MGST1: variants seen among roughly 807,000 people sequenced by gnomAD.
MGST1 encodes the protein glutathione S-transferase 12.
MGST1 carries 5 observed loss-of-function variants against 8.9 expected under a neutral mutation model. The ratio of observed to expected loss-of-function variants is 0.56; its 90% confidence interval spans 0.29 to 1.19. MGST1 has a LOEUF of 1.19. Among genes scored for constraint, MGST1 ranks in the 50% most tolerant of loss-of-function variants. The pLI is 0.08. For synonymous variants in MGST1, 54 were observed against 67.8 expected (o/e 0.80, Z 1.00); for missense variants, 182 against 187.4 (o/e 0.97, Z 0.17).
intron 4 of MGST1, among the ~76,000 whole-genome samples, chr12:16,447,976 GT>G (rs1452467658): frequency 6.6e-6 from 1 of 151,898 alleles, no homozygotes; most frequent in African/African-American, 2.4e-5. Context: ...TGGACATCTT[GT>G]ATGTTCTGAT....
intron 4 of MGST1, among the ~76,000 whole-genome samples, chr12:16,526,373 T>C (rs1941687039): frequency 1.3e-5 from 2 of 151,968 alleles, no homozygotes; most frequent in African/African-American, 4.8e-5. Context: ...CCTGACCCCA[T>C]TGGAATGTTC....
At chr12:16,408,742 C>A (rs1005406397) in intron 1 of MGST1, among the ~76,000 whole-genome samples, 1 of 152,092 alleles carries the variant, frequency 6.6e-6, no homozygotes, top group Non-Finnish European at 1.5e-5. Flanking sequence ...ACTTCTAGAT[C>A]TCTGATTTAA....
chr12:16,360,836 A>G (rs1210279423), intron 3 of MGST1, among the ~76,000 whole-genome samples: 1 of 152,176 alleles, frequency 6.6e-6, no homozygotes, highest in Admixed American at 6.5e-5. Flanking sequence ...TAGGGGTTGA[A>G]CTGGATGATG....
chr12:16,436,604 A>G (rs1278808681), intron 1 of MGST1, among the ~76,000 whole-genome samples: 2 of 152,052 alleles, frequency 1.3e-5, no homozygotes, highest in African/African-American at 4.8e-5. Flanking sequence ...ATGTGAATAA[A>G]TAAAAGATAA....
intron 2 of MGST1, among the ~76,000 whole-genome samples, chr12:16,356,735 G>C (rs1939730745): frequency 6.6e-6 from 1 of 152,104 alleles, no homozygotes; most frequent in Non-Finnish European, 1.5e-5. Flanking sequence ...ATGCAATTCA[G>C]CTTCTCAAAT....
intron 4 of MGST1, among the ~76,000 whole-genome samples, chr12:16,588,990 A>G (rs551893691): frequency 2.8e-4 from 43 of 152,012 alleles, no homozygotes; most frequent in Non-Finnish European, 5.7e-4. Flanking sequence ...TAGGATTCCT[A>G]TTTCTAGAGA....
At chr12:16,578,822 AAC>A (rs1565497686) in intron 4 of MGST1, among the ~76,000 whole-genome samples, 5,875 of 79,928 alleles carry the variant, frequency 0.074, 394 homozygotes, top group African/African-American at 0.22. Flanking sequence ...TGTCTCAAAC[AAC>A]AACAACAACA....
intron 4 of MGST1, among the ~76,000 whole-genome samples, chr12:16,445,706 C>T (rs529815964): frequency 6.6e-6 from 1 of 151,954 alleles, no homozygotes; most frequent in Non-Finnish European, 1.5e-5. Flanking sequence ...AGAGCTGTTA[C>T]AGTCACGTGG....
chr12:16,445,641 C>T (rs536213639), intron 4 of MGST1, among the ~76,000 whole-genome samples: 10 of 152,034 alleles, frequency 6.6e-5, no homozygotes, highest in East Asian at 3.9e-4. Context: ...AGAATTCATT[C>T]GCTATATCAA....
At chr12:16,564,265 A>G (rs554130999) in intron 4 of MGST1, among the ~76,000 whole-genome samples, 41 of 152,176 alleles carry the variant, frequency 2.7e-4, no homozygotes, top group Non-Finnish European at 5.7e-4. Context: ...GTGAGCATGC[A>G]CAGAGAAATA....
intron 1 of MGST1, among the ~76,000 whole-genome samples, chr12:16,415,324 C>A (rs1183587674): frequency 6.6e-6 from 1 of 152,284 alleles, no homozygotes; most frequent in East Asian, 1.9e-4. Flanking sequence ...TTACACAGAT[C>A]TGAGAACCTC....
chr12:16,393,255 T>C, intron 1 of MGST1, among the ~76,000 whole-genome samples: 1 of 152,204 alleles, frequency 6.6e-6, no homozygotes, highest in East Asian at 1.9e-4. Context: ...ATGGTGACAG[T>C]GGTAGGAGAG....
chr12:16,406,206 C>G (rs1303352814), intron 1 of MGST1, among the ~76,000 whole-genome samples: 1 of 152,090 alleles, frequency 6.6e-6, no homozygotes, highest in East Asian at 1.9e-4. Flanking sequence ...AATACAAAAC[C>G]TCAGCAAAAT....
chr12:16,533,750 A>G (rs1012986880), intron 4 of MGST1, among the ~76,000 whole-genome samples: 16 of 151,916 alleles, frequency 1.1e-4, no homozygotes, highest in Admixed American at 8.5e-4. Context: ...TTTGTGATCA[A>G]TTACTCACAG....
At chr12:16,551,189 G>A (rs1941977231) in intron 4 of MGST1, 5 of 1,299,116 alleles carry the variant, frequency 3.8e-6, no homozygotes, top group Non-Finnish European at 5.6e-6. Flanking sequence ...AGAATGTAGT[G>A]CTTTGTATTC....
At chr12:16,493,092 T>G (rs1289867296) in intron 4 of MGST1, among the ~76,000 whole-genome samples, 1 of 152,186 alleles carries the variant, frequency 6.6e-6, no homozygotes, top group East Asian at 1.9e-4. Flanking sequence ...AGGGCAAGAT[T>G]GTCTTTGAGA....
chr12:16,402,184 T>C (rs1436865143), intron 1 of MGST1: 1 of 1,578,486 alleles, frequency 6.3e-7, no homozygotes, highest in Non-Finnish European at 8.7e-7. Context: ...TCCACTTTTT[T>C]TTTGCTGGCC....
At chr12:16,455,142 T>A (rs1941163006) in intron 4 of MGST1, among the ~76,000 whole-genome samples, 1 of 151,936 alleles carries the variant, frequency 6.6e-6, no homozygotes, top group Non-Finnish European at 1.5e-5. Flanking sequence ...AATGATAGGA[T>A]GTAAGTCTAT....
rs1423894119 is a variant in MGST1, at chr12:16,513,642, TGCA to T, written n.483-75883_483-75881del. 4.8e-5 allele frequency: 24 copies of T among 498,062 alleles called. No homozygotes were observed. The Admixed American group carries it at 5.5e-4, about 11-fold the overall frequency. 30.9% of individuals were successfully genotyped at this position (498,062 alleles called of 1,614,324 possible). A position where few individuals can be genotyped will look rare whatever the true frequency, so the allele number is the denominator to read the frequency against. ...GCATCCACAAGGCAGAGGCCCAGAT[TGCA>T]GCCAAAAATTTGGACGAGGACTACC... is the stretch of plus-strand genomic sequence containing the variant. On this transcript the variant is annotated intron_variant and non_coding_transcript_variant, in intron 4 of 4. Transcript: ENST00000538857. The surrounding 1 kb of genome is among the most constrained non-coding windows in gnomAD (Gnocchi z 4.2).
Sources: gnomAD v4.1 joint callset for allele counts (sites outside exome capture counted in the v4.1 genomes callset) on GRCh38, gnomAD v4.1.1 for gene constraint, Gnocchi (gnomAD v3.1) non-coding constraint, MANE v1.5 for transcripts, NCBI Gene and HGNC (gene_info 2026-07-23, HGNC 2026-07-21) for gene names.